FILIP1L: variants seen among roughly 807,000 people sequenced by gnomAD.
The protein encoded by FILIP1L is filamin A-interacting protein 1-like.
In FILIP1L, 55 loss-of-function variants were observed where a neutral mutation model predicts 96.6. The ratio of observed to expected loss-of-function variants is 0.57; its 90% CI spans 0.46 to 0.71. The LOEUF (loss-of-function observed/expected upper bound fraction) is 0.71, where lower values mean the gene tolerates loss of function less well. Among genes scored for constraint, FILIP1L ranks in the 30% least tolerant of loss-of-function variants. The pLI, the probability that FILIP1L is intolerant of heterozygous loss-of-function variation, is 0.00. For synonymous variants in FILIP1L, 467 were observed against 473.9 expected (o/e 0.99, Z 0.19); for missense variants, 1,304 against 1,321.2 (o/e 0.99, Z 0.20).
intron 1 of FILIP1L, among the ~76,000 whole-genome samples, chr3:99,983,414 ATATATGTATGTATG>A (rs1559713423): frequency 1.7e-3 from 158 of 95,010 alleles, no homozygotes; most frequent in African/African-American, 6.2e-3. Flanking sequence ...ATATATATAT[ATATATGTATGTATG>A]TATGTATATA....
At chr3:99,988,122 T>G (rs981862624) in intron 1 of FILIP1L, among the ~76,000 whole-genome samples, 3 of 152,176 alleles carry the variant, frequency 2.0e-5, no homozygotes, top group African/African-American at 4.8e-5. Flanking sequence ...CAATAACTTT[T>G]TTTTCTATAA....
rs116062734 is a variant in FILIP1L, at chr3:99,916,738, G to A, written c.605+7492C>T. Among the ~76,000 whole-genome samples the A allele has an allele frequency of 3.3e-3, 503 of 152,210 alleles. 1 individual carries two copies. The highest frequency in any genetic ancestry group is 7.3e-3 in the Admixed American group (111 of 15,296). On this transcript the variant is annotated intron_variant, in intron 4 of 5. Coordinates refer to ENST00000477258, the MANE Select transcript of FILIP1L (RefSeq NM_001387850.1). The stretch of plus-strand genomic sequence containing the variant: ...CCATGCTTCATGGTCCATGCTCCAC[G>A]TTTGTTGTTCTAACTCGAGTCTATG...
intron 4 of FILIP1L, among the ~76,000 whole-genome samples, chr3:99,887,627 A>G (rs1468929298): frequency 2.0e-5 from 3 of 152,252 alleles, no homozygotes; most frequent in African/African-American, 7.2e-5. Context: ...GCAGTTTTAA[A>G]TGAATCATGG....
chr3:99,886,649 A>T (rs748063710), intron 4 of FILIP1L, among the ~76,000 whole-genome samples: 32 of 152,274 alleles, frequency 2.1e-4, no homozygotes, highest in Non-Finnish European at 2.2e-4. Context: ...TGAAGTAAGA[A>T]TATTTTAAAA....
At chr3:100,060,328 C>G (rs1471742678) in intron 1 of FILIP1L, among the ~76,000 whole-genome samples, 1 of 152,144 alleles carries the variant, frequency 6.6e-6, no homozygotes, top group Non-Finnish European at 1.5e-5. Context: ...CTGTTTCCCA[C>G]TCCACCTCCT....
At chr3:99,964,196 A>G (rs1024604624) in intron 1 of FILIP1L, 1 of 152,316 alleles carries the variant, frequency 6.6e-6, no homozygotes, top group African/African-American at 2.4e-5. Context: ...TTCCAAATCC[A>G]TTACGCTTCA....
intron 1 of FILIP1L, among the ~76,000 whole-genome samples, chr3:100,068,539 C>G (rs1256011543): frequency 3.3e-5 from 5 of 152,102 alleles, no homozygotes; most frequent in African/African-American, 1.2e-4. Context: ...TGGGTGCTGC[C>G]AAAGAACCCA....
chr3:100,089,048 G>T (rs1052744026), intron 1 of FILIP1L, among the ~76,000 whole-genome samples: 1 of 152,166 alleles, frequency 6.6e-6, no homozygotes, highest in East Asian at 1.9e-4. Flanking sequence ...CCTCTGCTCT[G>T]TAAGGCACCA....
intron 1 of FILIP1L, among the ~76,000 whole-genome samples, chr3:99,981,189 C>T (rs1709113143): frequency 1.3e-5 from 2 of 152,182 alleles, no homozygotes; most frequent in South Asian, 2.1e-4. Context: ...TCTTTGACAC[C>T]TGACTTTTGT....
At chr3:100,003,671 C>A (rs915363368) in intron 1 of FILIP1L, among the ~76,000 whole-genome samples, 1 of 151,912 alleles carries the variant, frequency 6.6e-6, no homozygotes, top group African/African-American at 2.4e-5. Context: ...AGAAAACTCT[C>A]CAGTTTTCTT....
At chr3:99,955,842 TC>T (rs1376745024) in intron 1 of FILIP1L, among the ~76,000 whole-genome samples, 1 of 152,152 alleles carries the variant, frequency 6.6e-6, no homozygotes, top group African/African-American at 2.4e-5. Context: ...TTACAGATAT[TC>T]CCCCTCCAGG....
chr3:99,960,884 G>A (rs1213902747), intron 1 of FILIP1L, among the ~76,000 whole-genome samples: 1 of 152,174 alleles, frequency 6.6e-6, no homozygotes, highest in Non-Finnish European at 1.5e-5. Context: ...TAAAGTAAAT[G>A]TACTCTGTGT....
chr3:99,885,736 T>G (rs772756577), intron 4 of FILIP1L, among the ~76,000 whole-genome samples: 1 of 152,172 alleles, frequency 6.6e-6, no homozygotes, highest in African/African-American at 2.4e-5. Flanking sequence ...TCTTTCTCCC[T>G]TCTTCTTCCC....
intron 4 of FILIP1L, among the ~76,000 whole-genome samples, chr3:99,901,370 C>T (rs1339340071): frequency 1.3e-5 from 2 of 152,142 alleles, no homozygotes; most frequent in Non-Finnish European, 2.9e-5. Flanking sequence ...AATGCCAAAT[C>T]CTCAAAAATG....
chr3:99,956,631 G>GC (rs1708327806), intron 1 of FILIP1L, among the ~76,000 whole-genome samples: 1 of 152,180 alleles, frequency 6.6e-6, no homozygotes, highest in Admixed American at 6.5e-5. Flanking sequence ...AAAGGCGTGA[G>GC]CCCCCGCGCC....
chr3:99,928,392 A>C (rs887526088), intron 3 of FILIP1L, among the ~76,000 whole-genome samples: 1 of 152,204 alleles, frequency 6.6e-6, no homozygotes, highest in African/African-American at 2.4e-5. Flanking sequence ...AAAGAGAGGA[A>C]AATTGGCAGA....
chr3:99,878,698 A>G (rs768591203), intron 4 of FILIP1L, among the ~76,000 whole-genome samples: 6 of 152,212 alleles, frequency 3.9e-5, no homozygotes, highest in Non-Finnish European at 7.4e-5. Flanking sequence ...ATCTTGTTCT[A>G]GTAAAATTAG....
chr3:99,865,362 A>G (rs1325354855), intron 4 of FILIP1L, among the ~76,000 whole-genome samples: 1 of 152,078 alleles, frequency 6.6e-6, no homozygotes, highest in Admixed American at 6.5e-5. Context: ...CTCATATATT[A>G]TATCTCATGA....
intron 1 of FILIP1L, among the ~76,000 whole-genome samples, chr3:100,109,449 G>A (rs1450678024): frequency 2.6e-5 from 4 of 152,094 alleles, no homozygotes; most frequent in Non-Finnish European, 4.4e-5. Context: ...TCCATCACCC[G>A]AGATGTTCCT....
Sources: allele counts gnomAD v4.1 joint callset (sites outside exome capture counted in the v4.1 genomes callset), GRCh38; gene constraint gnomAD v4.1.1; transcripts MANE v1.5; gene names NCBI Gene and HGNC (gene_info 2026-07-23, HGNC 2026-07-21).